CAMK4: variants seen among roughly 807,000 people sequenced by gnomAD.
CAMK4 encodes calcium/calmodulin-dependent protein kinase type IV.
CAMK4 carries 22 observed loss-of-function variants against 44.9 expected under a neutral mutation model. That is an observed-to-expected ratio of 0.49 (90% CI 0.35 to 0.70). The LOEUF (loss-of-function observed/expected upper bound fraction) is 0.70, where lower values mean the gene tolerates loss of function less well. Ranked by LOEUF, CAMK4 falls within the 30% of genes least tolerant of loss-of-function variation. CAMK4 has a pLI of 0.01. For synonymous variants in CAMK4, 218 were observed against 215.4 expected, an observed-to-expected ratio of 1.01 and a Z score of -0.11; for missense variants, 498 against 586.8, an observed-to-expected ratio of 0.85 and a Z score of 1.56.
chr5:111,332,729 T>A (rs1302932789), intron 1 of CAMK4, among the ~76,000 whole-genome samples: 1 of 151,646 alleles, frequency 6.6e-6, no homozygotes, highest in Admixed American at 6.6e-5. Flanking sequence ...TTGGGTGTTA[T>A]GCCTGACTTC....
At chr5:111,223,656 GC>G (rs1480831687), upstream of CAMK4, 2 of 152,338 alleles carry the variant, frequency 1.3e-5, no homozygotes, top group East Asian at 3.8e-4. The surrounding 1 kb of genome is among the most constrained non-coding windows in gnomAD (Gnocchi z 4.3). Flanking sequence ...AGGAGGCAGT[GC>G]CACCAGCAGC....
intron 5 of CAMK4, among the ~76,000 whole-genome samples, chr5:111,423,760 ATTC>A (rs1474560320): frequency 6.6e-6 from 1 of 152,150 alleles, no homozygotes; most frequent in Non-Finnish European, 1.5e-5. Flanking sequence ...CTTTTGCTCT[ATTC>A]TTCTTGGAAT....
intron 2 of CAMK4, among the ~76,000 whole-genome samples, chr5:111,373,205 C>T (rs1751077689): frequency 6.6e-6 from 1 of 152,096 alleles, no homozygotes; most frequent in African/African-American, 2.4e-5. Flanking sequence ...ACTTTTATTG[C>T]AGTTTACCAT....
intron 5 of CAMK4, among the ~76,000 whole-genome samples, chr5:111,397,565 C>T (rs1260391989): frequency 6.6e-6 from 1 of 151,424 alleles, no homozygotes; most frequent in African/African-American, 2.4e-5. Context: ...ATATATTACA[C>T]CAATAGAAAG....
chr5:111,400,668 TA>T (rs2112873897), intron 5 of CAMK4, among the ~76,000 whole-genome samples: 1 of 152,326 alleles, frequency 6.6e-6, no homozygotes, highest in Non-Finnish European at 1.5e-5. Flanking sequence ...TGAAAGCTTT[TA>T]AAGTGTGTTT....
At chr5:111,449,693 A>C (rs1395624570) in intron 7 of CAMK4, 1 of 152,396 alleles carries the variant, frequency 6.6e-6, no homozygotes, top group Non-Finnish European at 1.5e-5. Flanking sequence ...AGAGTTCTCC[A>C]GTCCCTGCAG....
At chr5:111,253,476 A>C (rs925828891) in intron 1 of CAMK4, among the ~76,000 whole-genome samples, 1 of 152,086 alleles carries the variant, frequency 6.6e-6, no homozygotes, top group African/African-American at 2.4e-5. Context: ...CACCTGGGGA[A>C]CTCCAATACT....
chr5:111,463,537 AC>A (rs1433135973), intron 7 of CAMK4, among the ~76,000 whole-genome samples: 1 of 152,186 alleles, frequency 6.6e-6, no homozygotes, highest in African/African-American at 2.4e-5. Context: ...GCCAACCAAC[AC>A]AAAACACTGC....
chr5:111,341,196 C>G (rs911278914), intron 1 of CAMK4, among the ~76,000 whole-genome samples: 5 of 151,256 alleles, frequency 3.3e-5, no homozygotes, highest in Non-Finnish European at 7.4e-5. Context: ...AGCAGACATT[C>G]TTAAGTGAAG....
At chr5:111,277,948 G>A (rs1750846431) in intron 1 of CAMK4, among the ~76,000 whole-genome samples, 1 of 152,086 alleles carries the variant, frequency 6.6e-6, no homozygotes, top group African/African-American at 2.4e-5. Context: ...TCTCAGGCAT[G>A]GGTAATAATT....
At chr5:111,313,585 A>G (rs1186049117) in intron 1 of CAMK4, among the ~76,000 whole-genome samples, 1 of 152,084 alleles carries the variant, frequency 6.6e-6, no homozygotes, top group Non-Finnish European at 1.5e-5. Flanking sequence ...GATCTTGGTC[A>G]TGTTCCTTTA....
At chr5:111,320,516 G>C (rs1001848152) in intron 1 of CAMK4, among the ~76,000 whole-genome samples, 6 of 152,050 alleles carry the variant, frequency 3.9e-5, no homozygotes, top group African/African-American at 1.4e-4. Context: ...TTGTTCGTTT[G>C]TTTGCTTTTG....
intron 1 of CAMK4, among the ~76,000 whole-genome samples, chr5:111,294,832 A>G (rs1747419917): frequency 6.6e-6 from 1 of 152,148 alleles, no homozygotes; most frequent in Non-Finnish European, 1.5e-5. Flanking sequence ...TAAATTATGG[A>G]GTCAAGCTAT....
rs1290977650 is a variant in CAMK4, at chr5:111,485,096, A to G, written c.*630A>G. 2.6e-5 allele frequency: 4 copies of G among 152,196 alleles called. No individual in the cohort carries two copies. The highest frequency in any genetic ancestry group is 5.9e-5 in the Non-Finnish European group (4 of 68,036). 9.4% of individuals were successfully genotyped at this position (152,196 alleles called of 1,614,324 possible). ...TATTTTATTCTTATTTATATACACT[A>G]TATTAATAATAACCAAAATGTTCTA... is the stretch of plus-strand genomic sequence containing the variant. On this transcript the variant is annotated 3_prime_UTR_variant, in exon 11 of 11. Coordinates refer to ENST00000282356, the MANE Select transcript of CAMK4 (RefSeq NM_001744.6).
At position 111,487,167 on chromosome 5, in the gene CAMK4, A is replaced by G. The variant is rs1336821787; in HGVS notation, c.*2701A>G. On this transcript the variant is annotated 3_prime_UTR_variant, in exon 11 of 11. Coordinates refer to ENST00000282356, the MANE Select transcript of CAMK4 (RefSeq NM_001744.6). The stretch of plus-strand genomic sequence containing the variant: ...GAGATTTAATTTCACAAAATACTTC[A>G]TAACATCACTCCTAATTGGCAATAT... 6.6e-6 allele frequency: 1 copy of G among 152,208 alleles called. No homozygotes were observed. The highest frequency in any genetic ancestry group is 2.4e-5 in the African/African-American group (1 of 41,466). 9.4% of individuals were successfully genotyped at this position (152,208 alleles called of 1,614,324 possible).
rs1370006027 is a variant in CAMK4 at position 111,486,539 on chromosome 5, ACAC to A, written c.*2074_*2076del. On this transcript the variant is annotated 3_prime_UTR_variant, in exon 11 of 11. Coordinates refer to ENST00000282356, the MANE Select transcript of CAMK4 (RefSeq NM_001744.6). The stretch of plus-strand genomic sequence containing the variant: ...CACACACACACACACACACACACAC[ACAC>A]GTGTTGGAAGAGCAAAGAGAGGGAA... The A allele has an allele frequency of 2.9e-5, 4 of 136,400 alleles. No individual in the cohort carries two copies. Among genetic ancestry groups the A allele is most frequent in the Admixed American group, 7.6e-5 (1 of 13,204 alleles). The allele number at this position is 136,400 out of a possible 1,614,324, so 8.4% of individuals were successfully genotyped here. A position where few individuals can be genotyped will look rare whatever the true frequency, so the allele number is the denominator to read the frequency against.
At chr5:111,476,850 G>A (rs1176392421) in intron 8 of CAMK4, among the ~76,000 whole-genome samples, 1 of 152,184 alleles carries the variant, frequency 6.6e-6, no homozygotes, top group Non-Finnish European at 1.5e-5. Flanking sequence ...AAGGCTTGAA[G>A]TTGTCACCTT....
chr5:111,368,699 T>C (rs1454316373), intron 2 of CAMK4, among the ~76,000 whole-genome samples: 2 of 152,122 alleles, frequency 1.3e-5, no homozygotes, highest in Non-Finnish European at 2.9e-5. Flanking sequence ...CTGGTTTCCT[T>C]GGTCATCATT....
chr5:111,401,553 T>G (rs1337261942), intron 5 of CAMK4, among the ~76,000 whole-genome samples: 1 of 152,062 alleles, frequency 6.6e-6, no homozygotes, highest in Non-Finnish European at 1.5e-5. Flanking sequence ...AAATGGACAT[T>G]ATTATAGAGA....
Sources: allele counts gnomAD v4.1 joint callset (sites outside exome capture counted in the v4.1 genomes callset), GRCh38; gene constraint gnomAD v4.1.1; non-coding constraint Gnocchi (gnomAD v3.1); transcripts MANE v1.5; gene names NCBI Gene and HGNC (gene_info 2026-07-23, HGNC 2026-07-21).